OPCML: variants seen among roughly 807,000 people sequenced by gnomAD.
OPCML encodes opioid-binding protein/cell adhesion molecule.
Under a neutral mutation model 37.8 loss-of-function variants are expected in OPCML, and 13 were observed. That is an observed-to-expected ratio of 0.34 (90% CI 0.22 to 0.55). The LOEUF (loss-of-function observed/expected upper bound fraction) is 0.55, where lower values mean the gene tolerates loss of function less well. OPCML is among the 20% of genes least tolerant of loss of function. The pLI is 0.91. For synonymous variants in OPCML, 176 were observed against 168.8 expected, an observed-to-expected ratio of 1.04 and a Z score of -0.33; for missense variants, 341 against 435.6, an observed-to-expected ratio of 0.78 and a Z score of 1.93.
At chr11:133,151,571 G>C (rs1329510230) in intron 1 of OPCML, among the ~76,000 whole-genome samples, 1 of 152,092 alleles carries the variant, frequency 6.6e-6, no homozygotes, top group African/African-American at 2.4e-5. Context: ...AAAATTATTG[G>C]ATGAGGAAAG....
chr11:132,508,468 AAC>A (rs869169124), intron 4 of OPCML, among the ~76,000 whole-genome samples: 28 of 141,888 alleles, frequency 2.0e-4, no homozygotes, highest in East Asian at 7.1e-4. Context: ...TGCCAAAAAA[AAC>A]ATTGGACAAA....
At chr11:132,581,850 C>A (rs887907930) in intron 3 of OPCML, among the ~76,000 whole-genome samples, 24 of 152,002 alleles carry the variant, frequency 1.6e-4, no homozygotes, top group African/African-American at 5.8e-4. Context: ...AGTGTATTAT[C>A]TCAAGGGGAG....
At chr11:133,507,815 C>T (rs138366757) in intron 1 of OPCML, among the ~76,000 whole-genome samples, 481 of 152,068 alleles carry the variant, frequency 3.2e-3, no homozygotes, top group Non-Finnish European at 5.5e-3. Flanking sequence ...GGCGTGGTGA[C>T]GGGCCCCTGT....
chr11:133,209,630 A>T (rs1486694200), intron 1 of OPCML, among the ~76,000 whole-genome samples: 2 of 152,196 alleles, frequency 1.3e-5, no homozygotes, highest in Non-Finnish European at 2.9e-5. Flanking sequence ...AACGTTGCTT[A>T]CTCAGCTTGG....
chr11:132,495,017 T>TG (rs1491306645), intron 4 of OPCML, among the ~76,000 whole-genome samples: 1 of 73,186 alleles, frequency 1.4e-5, no homozygotes, highest in African/African-American at 6.3e-5. Context: ...GTGGATGACT[T>TG]TTTTTTTTTT....
At chr11:133,140,742 CGACGAGGAA>C (rs1949771873) in intron 1 of OPCML, among the ~76,000 whole-genome samples, 1 of 132,926 alleles carries the variant, frequency 7.5e-6, no homozygotes, top group African/African-American at 2.8e-5. Context: ...ACGACGACGA[CGACGAGGAA>C]GAAGAAGACG....
At chr11:132,992,194 A>G (rs1946794204) in intron 1 of OPCML, among the ~76,000 whole-genome samples, 1 of 152,116 alleles carries the variant, frequency 6.6e-6, no homozygotes, top group South Asian at 2.1e-4. Context: ...GCTTGGCTTC[A>G]AGTCTCTTCC....
chr11:132,950,029 G>A (rs565224129), intron 1 of OPCML, among the ~76,000 whole-genome samples: 1 of 152,304 alleles, frequency 6.6e-6, no homozygotes, highest in African/African-American at 2.4e-5. Flanking sequence ...AAACACCATA[G>A]AGGCATATGG....
At chr11:132,725,916 T>C (rs1944864485) in intron 2 of OPCML, among the ~76,000 whole-genome samples, 2 of 152,292 alleles carry the variant, frequency 1.3e-5, no homozygotes, top group Middle Eastern at 3.4e-3. Flanking sequence ...AAGAGTTACC[T>C]TTGCTCTAGT....
chr11:133,061,373 G>A (rs1025915400), intron 1 of OPCML, among the ~76,000 whole-genome samples: 2 of 152,214 alleles, frequency 1.3e-5, no homozygotes, highest in African/African-American at 4.8e-5. Flanking sequence ...TGCAGTGGAT[G>A]TGTTTTGCTT....
intron 1 of OPCML, among the ~76,000 whole-genome samples, chr11:133,155,331 T>C (rs1950042940): frequency 6.6e-6 from 1 of 152,206 alleles, no homozygotes; most frequent in Non-Finnish European, 1.5e-5. Context: ...CTGCTTCTAC[T>C]GTAATATTGA....
At chr11:132,849,928 T>C (rs1223424571) in intron 2 of OPCML, among the ~76,000 whole-genome samples, 1 of 152,220 alleles carries the variant, frequency 6.6e-6, no homozygotes, top group Non-Finnish European at 1.5e-5. Flanking sequence ...TCTAAGTTCT[T>C]TGCTGTGTCC....
At chr11:133,279,119 G>A (rs1379743999) in intron 1 of OPCML, among the ~76,000 whole-genome samples, 4 of 152,156 alleles carry the variant, frequency 2.6e-5, no homozygotes, top group South Asian at 2.1e-4. Context: ...ATAGAACCTC[G>A]CTGTTTCCAA....
intron 4 of OPCML, among the ~76,000 whole-genome samples, chr11:132,453,805 G>A (rs2096074598): frequency 6.6e-6 from 1 of 152,196 alleles, no homozygotes; most frequent in East Asian, 1.9e-4. Context: ...ATGGCACAGA[G>A]GGTAGGGACA....
At chr11:132,695,156 G>C (rs1268335182) in intron 2 of OPCML, among the ~76,000 whole-genome samples, 1 of 152,086 alleles carries the variant, frequency 6.6e-6, no homozygotes, top group Non-Finnish European at 1.5e-5. Context: ...TAATTAAAAG[G>C]ATATGTGGTA....
chr11:132,701,554 C>G (rs907314323), intron 2 of OPCML, among the ~76,000 whole-genome samples: 1 of 152,054 alleles, frequency 6.6e-6, no homozygotes, highest in African/African-American at 2.4e-5. Flanking sequence ...AAGTGAGGTC[C>G]TTGTTGACAG....
chr11:133,451,246 A>G (rs941171938), intron 1 of OPCML, among the ~76,000 whole-genome samples: 1 of 151,786 alleles, frequency 6.6e-6, no homozygotes, highest in Non-Finnish European at 1.5e-5. Context: ...ATTAAAGGAG[A>G]GAAAAACCAC....
chr11:133,190,859 C>T (rs1370519115), intron 1 of OPCML, among the ~76,000 whole-genome samples: 1 of 152,040 alleles, frequency 6.6e-6, no homozygotes, highest in Non-Finnish European at 1.5e-5. Context: ...TATGGCTTGA[C>T]TATATTCTAC....
At chr11:133,025,481 A>G in intron 1 of OPCML, 1 of 985,374 alleles carries the variant, frequency 1.0e-6, no homozygotes, top group South Asian at 4.7e-5. Flanking sequence ...ACTATTTGGT[A>G]ATCTAGTCAG....
Sources: allele counts gnomAD v4.1 joint callset (sites outside exome capture counted in the v4.1 genomes callset), GRCh38; gene constraint gnomAD v4.1.1; transcripts MANE v1.5; gene names NCBI Gene and HGNC (gene_info 2026-07-23, HGNC 2026-07-21).